Variants in GRM4 observed in about 807,000 individuals in gnomAD.
GRM4 encodes metabotropic glutamate receptor 4.
Under a neutral mutation model 81.7 loss-of-function variants are expected in GRM4, and 28 were observed. That is an observed-to-expected ratio of 0.34 (90% CI 0.25 to 0.47). The LOEUF (loss-of-function observed/expected upper bound fraction) is 0.47. Among genes scored for constraint, GRM4 ranks in the 20% least tolerant of loss-of-function variants. The pLI is 1.00. For synonymous variants in GRM4, 488 were observed against 528.8 expected (o/e 0.92, Z 1.06); for missense variants, 948 against 1,290.0 (o/e 0.73, Z 4.06).
rs143423449 is a variant in GRM4 at position 34,132,897 on chromosome 6, G to A, written c.519+81C>T. 1.8e-4 allele frequency: 208 copies of A among 1,179,914 alleles called. No individual in the cohort carries two copies. The East Asian group carries it at 3.6e-3, about 20-fold the overall frequency. 73.1% of individuals were successfully genotyped at this position (1,179,914 alleles called of 1,614,324 possible). ...AAAAAGGAGGAAAAAGGGGCTGGTCGGCCAGGCCTGGCACCCTGAAGTGGG... is the reference window on the plus strand; with the variant it reads ...AAAAAGGAGGAAAAAGGGGCTGGTCAGCCAGGCCTGGCACCCTGAAGTGGG... On this transcript the variant is annotated intron_variant, in intron 2 of 10. Coordinates refer to ENST00000538487, the MANE Select transcript of GRM4 (RefSeq NM_000841.4).
intron 6 of GRM4, among the ~76,000 whole-genome samples, chr6:34,041,459 G>T (rs940698162): frequency 5.3e-5 from 8 of 152,142 alleles, no homozygotes; most frequent in Non-Finnish European, 1.0e-4. Context: ...ACTGCTAATT[G>T]CAATGACTCC....
intron 2 of GRM4, among the ~76,000 whole-genome samples, chr6:34,122,781 T>C (rs1449853765): frequency 2.7e-5 from 4 of 149,572 alleles, no homozygotes; most frequent in African/African-American, 5.1e-5. Context: ...GCACTGGAAG[T>C]AGGGGGGGAA....
intron 2 of GRM4, among the ~76,000 whole-genome samples, chr6:34,108,834 C>T (rs1462477008): frequency 1.3e-5 from 2 of 152,112 alleles, no homozygotes; most frequent in Non-Finnish European, 2.9e-5. Flanking sequence ...AAGGCACTGG[C>T]ACCAGCCCCC....
intron 10 of GRM4, among the ~76,000 whole-genome samples, chr6:34,023,769 G>A (rs373386100): frequency 1.3e-5 from 2 of 152,320 alleles, no homozygotes; most frequent in East Asian, 1.9e-4. Flanking sequence ...CAGCAGCCTA[G>A]TGAGGCAGCC....
In GRM4 at chr6:34,059,567, A is replaced by C; in HGVS notation, c.873-439T>G. 1.6e-5 allele frequency: 3 copies of C among 183,858 alleles called. No individual in the cohort carries two copies. Among genetic ancestry groups the C allele is most frequent in the Non-Finnish European group, 3.4e-5 (3 of 88,236 alleles). 11.4% of individuals were successfully genotyped at this position (183,858 alleles called of 1,614,324 possible). On this transcript the variant is annotated intron_variant, in intron 4 of 10. Transcript: ENST00000538487. The surrounding 1 kb of genome is among the most constrained non-coding windows in gnomAD (Gnocchi z 5.7). ...TCTCACACGCATCCACCATCACACA[A>C]CCGCCGCCCTCACCCCTCTGCACAT...
At chr6:34,067,422 GTCCTTCCCTCCCTCCGTCCT>G (rs1183725396) in intron 3 of GRM4, among the ~76,000 whole-genome samples, 965 of 50,422 alleles carry the variant, frequency 0.019, 80 homozygotes, top group African/African-American at 0.058. Flanking sequence ...CCCTCCCTCC[GTCCTTCCCTCCCTCCGTCCT>G]TCCTTCCCTC....
intron 2 of GRM4, among the ~76,000 whole-genome samples, chr6:34,101,653 C>G (rs895292551): frequency 2.6e-5 from 4 of 152,226 alleles, no homozygotes; most frequent in Non-Finnish European, 5.9e-5. Flanking sequence ...TCCTGGCTGT[C>G]AAACTAAGGG....
rs757732706 is a variant in GRM4, at chr6:34,040,106, C to G, written c.1506+72G>C. 33 of 1,471,852 alleles carry G rather than the reference C, an allele frequency of 2.2e-5. 1 individual carries two copies. Among genetic ancestry groups the G allele is most frequent in the Non-Finnish European group, 3.1e-5 (33 of 1,059,206 alleles). 91.2% of individuals were successfully genotyped at this position (1,471,852 alleles called of 1,614,324 possible). Reference sequence around the variant, plus strand: ...GTCAGGGCTAATCAGCAGCAGCCTCCCCTTGGGCCCCCCTCCCAGGGGCTG... The same window carrying G: ...GTCAGGGCTAATCAGCAGCAGCCTCGCCTTGGGCCCCCCTCCCAGGGGCTG... On this transcript the variant is annotated intron_variant, in intron 8 of 10. Transcript: ENST00000538487.
chr6:34,040,491 C>A (rs1764953729), intron 7 of GRM4, 57 bp downstream of exon 7: 8 of 1,519,878 alleles, frequency 5.3e-6, no homozygotes, highest in Admixed American at 1.8e-5. Context: ...AGGGCCCCTC[C>A]CCTCGGGCAT....
chr6:34,109,030 G>T (rs529807384), intron 2 of GRM4, among the ~76,000 whole-genome samples: 1 of 152,158 alleles, frequency 6.6e-6, no homozygotes, highest in Non-Finnish European at 1.5e-5. Context: ...CCCGCCACTC[G>T]GGGTGAGGAC....
In GRM4 at chr6:34,019,126, C is replaced by G. The variant is rs550775268; in HGVS notation, c.*3695G>C. The G allele has an allele frequency of 1.3e-5, 2 of 152,546 alleles. No individual in the cohort carries two copies. The highest frequency in any genetic ancestry group is 2.1e-4 in the South Asian group (1 of 4,824). The allele number at this position is 152,546 out of a possible 1,614,324, so 9.4% of individuals were successfully genotyped here. On this transcript the variant is annotated 3_prime_UTR_variant, in exon 11 of 11. Transcript: ENST00000538487. ...CAGCTGGCATGTGGCCCACTGAGAC[C>G]TCTGTCCTGCCTGGCTCTATGCCTC... is the stretch of plus-strand genomic sequence containing the variant.
upstream of GRM4, among the ~76,000 whole-genome samples, chr6:34,146,944 C>A (rs540355971): frequency 6.6e-6 from 1 of 152,362 alleles, no homozygotes; most frequent in South Asian, 2.1e-4. Context: ...TCCTGAAGAC[C>A]TGCTTAGGCT....
chr6:34,092,009 ACGTGTCCGAGGG>A lies in GRM4; in HGVS notation c.598_609del (p.Pro200_Thr203del). 6.2e-7 allele frequency: 1 copy of A among 1,613,868 alleles called. No individual in the cohort carries two copies. Among genetic ancestry groups the A allele is most frequent in the East Asian group, 2.2e-5 (1 of 44,876 alleles). ...ATGTCCACCATGGCCTGGGCCTGGT[ACGTGTCCGAGGG>A]CACCACGCGGGAGAAGAAGTCGTAG... On this transcript the variant is annotated inframe_deletion, in exon 3 of 11. Transcript: ENST00000538487. The surrounding 1 kb of genome is among the most constrained non-coding windows in gnomAD (Gnocchi z 6.8).
chr6:34,049,594 T>A (rs1016898061), intron 6 of GRM4, among the ~76,000 whole-genome samples: 2 of 152,020 alleles, frequency 1.3e-5, no homozygotes, highest in Non-Finnish European at 2.9e-5. Flanking sequence ...CCAGCAGGCA[T>A]CCCACTCTCC....
intron 10 of GRM4, among the ~76,000 whole-genome samples, chr6:34,025,063 C>T (rs1764063683): frequency 6.6e-6 from 1 of 152,168 alleles, no homozygotes; most frequent in African/African-American, 2.4e-5. Flanking sequence ...AGCCGAGATT[C>T]TAGTTGCTGG....
chr6:34,046,193 C>G (rs1241175594), intron 6 of GRM4, among the ~76,000 whole-genome samples: 2 of 152,158 alleles, frequency 1.3e-5, no homozygotes, highest in Non-Finnish European at 2.9e-5. Context: ...TAGACAAAAT[C>G]CACCACACAG....
intron 3 of GRM4, among the ~76,000 whole-genome samples, chr6:34,083,663 A>G (rs1281463401): frequency 6.6e-6 from 1 of 152,140 alleles, no homozygotes; most frequent in African/African-American, 2.4e-5. Flanking sequence ...GGAAAACACA[A>G]CGTCAGAGGG....
At chr6:34,134,548 G>A (rs963232689) in intron 1 of GRM4, among the ~76,000 whole-genome samples, 2 of 152,102 alleles carry the variant, frequency 1.3e-5, no homozygotes, top group East Asian at 1.9e-4. Flanking sequence ...ATCAGGGAGC[G>A]CAAGGTGGAC....
At chr6:34,145,647 T>TGCGGGAGAGG (rs1490544547) in intron 1 of GRM4, among the ~76,000 whole-genome samples, 3 of 151,604 alleles carry the variant, frequency 2.0e-5, no homozygotes, top group Admixed American at 1.3e-4. Flanking sequence ...GAGGGGAGGC[T>TGCGGGAGAGG]GCGGGAGAGG....
Sources: gnomAD v4.1 joint callset for allele counts (sites outside exome capture counted in the v4.1 genomes callset) on GRCh38, gnomAD v4.1.1 for gene constraint, Gnocchi (gnomAD v3.1) non-coding constraint, MANE v1.5 for transcripts, NCBI Gene and HGNC (gene_info 2026-07-23, HGNC 2026-07-21) for gene names.